MAPK9: variants seen among roughly 807,000 people sequenced by gnomAD.
MAPK9 encodes the protein Jun kinase.
MAPK9 carries 30 observed loss-of-function variants against 57.1 expected under a neutral mutation model. The ratio of observed to expected loss-of-function variants is 0.53; its 90% confidence interval spans 0.39 to 0.71. MAPK9 has a LOEUF of 0.71. Ranked by LOEUF, MAPK9 falls within the 30% of genes least tolerant of loss-of-function variation. MAPK9 has a pLI of 0.00. For missense variants in MAPK9, 362 were observed against 521.0 expected (o/e 0.69, Z 2.97); for synonymous variants, 155 against 177.0 (o/e 0.88, Z 0.99).
rs988107859 is a variant in MAPK9 at position 180,247,297 on chromosome 5, C to G, written c.688+142G>C. 4.8e-6 allele frequency: 4 copies of G among 827,226 alleles called. No homozygotes were observed. Among genetic ancestry groups the G allele is most frequent in the African/African-American group, 3.5e-5 (2 of 57,886 alleles). 51.2% of individuals were successfully genotyped at this position (827,226 alleles called of 1,614,324 possible). A position where few individuals can be genotyped will look rare whatever the true frequency, so the allele number is the denominator to read the frequency against. On this transcript the variant is annotated intron_variant, in intron 7 of 11. Coordinates refer to ENST00000452135, the MANE Select transcript of MAPK9 (RefSeq NM_002752.5). The surrounding 1 kb of genome is among the most constrained non-coding windows in gnomAD (Gnocchi z 4.5). Reference sequence around the variant, plus strand: ...CCACTTGGCTTGTGACACTAATTAACAAATACAGTAAAGCCCCCCTTAGAA... The same window carrying G: ...CCACTTGGCTTGTGACACTAATTAAGAAATACAGTAAAGCCCCCCTTAGAA...
intron 6 of MAPK9, 56 bp downstream of exon 6, chr5:180,248,917 C>G: frequency 6.6e-7 from 1 of 1,518,884 alleles, no homozygotes. Context: ...AACTCGAGAC[C>G]ACCGCTAGAG....
In MAPK9 at chr5:180,249,105, C is replaced by T; in HGVS notation, c.484G>A (p.Asp162Asn). 1.2e-6 allele frequency: 2 copies of T among 1,611,948 alleles called. No individual in the cohort carries two copies. The highest frequency in any genetic ancestry group is 1.7e-6 in the Non-Finnish European group (2 of 1,179,304). The change falls in exon 6 of 12, where the codon GAC becomes AAC. Residue 162 changes from aspartate to asparagine, a missense_variant. By Grantham distance (23) the Asp-to-Asn change is conservative (BLOSUM62 1). Coordinates refer to ENST00000452135, the MANE Select transcript of MAPK9 (RefSeq NM_002752.5). ...AAGTCAAGGATCTTCAGGGTGCAGT[C>T]TGATTTCACAACAATGTTGCTAGGC... ...LKPSNIVVKS[D>N]CTLKILDFGL...
chr5:180,271,667 T>C (rs955641653), intron 2 of MAPK9, among the ~76,000 whole-genome samples: 3 of 152,158 alleles, frequency 2.0e-5, no homozygotes, highest in South Asian at 2.1e-4. Context: ...ATACATGGAG[T>C]GTAGGTGTGT....
intron 5 of MAPK9, among the ~76,000 whole-genome samples, chr5:180,252,926 C>A (rs1260099456): frequency 1.3e-5 from 2 of 152,194 alleles, no homozygotes; most frequent in African/African-American, 2.4e-5. Context: ...GAAGAGAGAA[C>A]CATGGGCGCC....
intron 8 of MAPK9, 53 bp from the exon 9 acceptor site, chr5:180,241,208 T>A: frequency 2.6e-6 from 4 of 1,528,038 alleles, no homozygotes; most frequent in Non-Finnish European, 3.6e-6. Flanking sequence ...ACAAACAGAA[T>A]CATACAATAA....
intron 5 of MAPK9, 149 bp from the exon 6 acceptor site, chr5:180,249,287 C>G (rs1440815757): frequency 1.3e-6 from 1 of 769,006 alleles, no homozygotes; most frequent in Admixed American, 3.3e-5. Flanking sequence ...ATCTTACTCT[C>G]AAATTGAAAC....
intron 3 of MAPK9, among the ~76,000 whole-genome samples, chr5:180,266,882 A>T (rs144019691): frequency 6.6e-6 from 1 of 152,354 alleles, no homozygotes; most frequent in African/African-American, 2.4e-5. Flanking sequence ...ACGAGTATGC[A>T]AAAATTCAGG....
rs1403354533 is a variant in MAPK9 at position 180,236,480 on chromosome 5, G to C, written c.1179C>G (p.Ile393Met). The change falls in exon 12 of 12, where the codon ATC becomes ATG. Residue 393 changes from isoleucine to methionine, a missense_variant. Coordinates refer to ENST00000452135, the MANE Select transcript of MAPK9 (RefSeq NM_002752.5). ...SNATPSQSSS[I>M]NDISSMSTEQ... ...CAGTGGACATGGATGAAATGTCATT[G>C]ATCGATGAAGACTGAGAAGGAGTGG... The C allele has an allele frequency of 6.2e-7, 1 of 1,614,092 alleles. No homozygotes were observed. The highest frequency in any genetic ancestry group is 8.5e-7 in the Non-Finnish European group (1 of 1,179,962).
chr5:180,272,293 T>A (rs979066841), intron 2 of MAPK9, among the ~76,000 whole-genome samples: 2 of 152,218 alleles, frequency 1.3e-5, no homozygotes, highest in South Asian at 4.1e-4. Context: ...CCACCCTTGA[T>A]TGATAATAAG....
rs1757151732 is a variant in MAPK9, at chr5:180,236,049, T to C, written c.*335A>G. 1 of 171,094 alleles carries C rather than the reference T, an allele frequency of 5.8e-6. No individual in the cohort carries two copies. The highest frequency in any genetic ancestry group is 6.3e-5 in the Admixed American group (1 of 15,946). 10.6% of individuals were successfully genotyped at this position (171,094 alleles called of 1,614,324 possible). A position where few individuals can be genotyped will look rare whatever the true frequency, so the allele number is the denominator to read the frequency against. Reference sequence around the variant, plus strand: ...TAGATGGGCAAGTCCAAGCAAGCATTTGTGGTCACATGCACATACATCTCA... The same window carrying C: ...TAGATGGGCAAGTCCAAGCAAGCATCTGTGGTCACATGCACATACATCTCA... On this transcript the variant is annotated 3_prime_UTR_variant, in exon 12 of 12. Coordinates refer to ENST00000452135, the MANE Select transcript of MAPK9 (RefSeq NM_002752.5).
chr5:180,261,974 G>A (rs1760012015), intron 4 of MAPK9, 152 bp from the exon 5 acceptor site: 10 of 543,870 alleles, frequency 1.8e-5, no homozygotes, highest in South Asian at 4.9e-5. Flanking sequence ...ATTTTCCAAA[G>A]AATATATAAA....
chr5:180,255,965 A>G (rs1759234079), intron 5 of MAPK9, among the ~76,000 whole-genome samples: 1 of 152,180 alleles, frequency 6.6e-6, no homozygotes, highest in South Asian at 2.1e-4. Flanking sequence ...AAAAAAACAA[A>G]CCAAGCTACC....
At chr5:180,268,699 C>T (rs1380035345) in intron 3 of MAPK9, among the ~76,000 whole-genome samples, 4 of 151,888 alleles carry the variant, frequency 2.6e-5, no homozygotes, top group South Asian at 4.1e-4. Flanking sequence ...TGGTGGCGGG[C>T]GCCTGTAGTC....
At chr5:180,249,283 C>T in intron 5 of MAPK9, 145 bp from the exon 6 acceptor site, 1 of 800,792 alleles carries the variant, frequency 1.2e-6, no homozygotes, top group Non-Finnish European at 1.9e-6. Flanking sequence ...GAAAATCTTA[C>T]TCTCAAATTG....
chr5:180,287,646 G>C (rs1762887608), intron 1 of MAPK9, among the ~76,000 whole-genome samples: 1 of 152,128 alleles, frequency 6.6e-6, no homozygotes, highest in Non-Finnish European at 1.5e-5. Flanking sequence ...CCATCTGCTT[G>C]AAATGACTTC....
chr5:180,273,238 TG>T (rs2127611990), intron 2 of MAPK9, among the ~76,000 whole-genome samples: 1 of 152,366 alleles, frequency 6.6e-6, no homozygotes, highest in South Asian at 2.1e-4. Flanking sequence ...TCTTGACTGT[TG>T]TTCTTTACAT....
chr5:180,281,110 G>A (rs1487103744), intron 1 of MAPK9, among the ~76,000 whole-genome samples: 1 of 152,202 alleles, frequency 6.6e-6, no homozygotes, highest in African/African-American at 2.4e-5. Context: ...AGATTCATAC[G>A]CCAAAGTGAC....
At chr5:180,238,151 T>C (rs1337687136) in intron 11 of MAPK9, 181 bp downstream of exon 11, 1 of 458,198 alleles carries the variant, frequency 2.2e-6, no homozygotes, top group Non-Finnish European at 4.0e-6. Flanking sequence ...GTGCCTGTAG[T>C]CCCAGCTACT....
At chr5:180,257,318 C>G (rs930461551) in intron 5 of MAPK9, among the ~76,000 whole-genome samples, 1 of 152,214 alleles carries the variant, frequency 6.6e-6, no homozygotes, top group Non-Finnish European at 1.5e-5. Flanking sequence ...AAAATTATTA[C>G]CACTCCACCA....
Sources: allele counts gnomAD v4.1 joint callset (sites outside exome capture counted in the v4.1 genomes callset), GRCh38; gene constraint gnomAD v4.1.1; non-coding constraint Gnocchi (gnomAD v3.1); transcripts MANE v1.5; gene names NCBI Gene and HGNC (gene_info 2026-07-23, HGNC 2026-07-21).